The following RICTOR variants were observed in gnomAD, a reference collection of about 807,000 sequenced individuals.
RICTOR encodes rapamycin-insensitive companion of mTOR.
Under a neutral mutation model 214.9 loss-of-function variants are expected in RICTOR, and 49 were observed. The observed-to-expected ratio is 0.23, with a 90% CI of 0.18 to 0.29. The LOEUF is 0.29. Ranked by LOEUF, RICTOR falls within the 10% of genes least tolerant of loss-of-function variation. RICTOR has a pLI of 1.00. For synonymous variants in RICTOR, 717 were observed against 711.3 expected, an observed-to-expected ratio of 1.01 and a Z score of -0.13; for missense variants, 1,625 against 2,047.0, an observed-to-expected ratio of 0.79 and a Z score of 3.98.
chr5:38,962,714 A>G (rs1749897650), intron 17 of RICTOR, 128 bp from the exon 18 acceptor site: 4 of 798,184 alleles, frequency 5.0e-6, no homozygotes, highest in Admixed American at 5.5e-5. Flanking sequence ...TTTTAACTTT[A>G]AAGTTATAAA....
intron 14 of RICTOR, 102 bp from the exon 15 acceptor site, chr5:38,966,823 A>T: frequency 6.3e-6 from 4 of 630,610 alleles, no homozygotes; most frequent in Non-Finnish European, 1.1e-5. Context: ...TTTTTAAGAC[A>T]AGAGGCTTGC....
intron 16 of RICTOR, among the ~76,000 whole-genome samples, chr5:38,963,903 T>C (rs1038014559): frequency 3.9e-5 from 6 of 151,916 alleles, no homozygotes; most frequent in African/African-American, 1.4e-4. Context: ...TAACTCCTAA[T>C]GCCCTCAGTT....
intron 2 of RICTOR, among the ~76,000 whole-genome samples, chr5:39,032,685 A>ACTG (rs2150153190): frequency 6.6e-6 from 1 of 152,318 alleles, no homozygotes; most frequent in African/African-American, 2.4e-5. Context: ...ATGAGCAGAA[A>ACTG]CTGCTGGGAG....
At chr5:38,970,735 C>T (rs1309594018) in intron 11 of RICTOR, 1 of 152,042 alleles carries the variant, frequency 6.6e-6, no homozygotes, top group Admixed American at 6.6e-5. Flanking sequence ...CCTTCAAATT[C>T]GATTTAACTG....
At chr5:38,986,133 G>A (rs1362527299) in intron 7 of RICTOR, among the ~76,000 whole-genome samples, 1 of 152,154 alleles carries the variant, frequency 6.6e-6, no homozygotes, top group Non-Finnish European at 1.5e-5. Context: ...GACCTGGTGG[G>A]AGGTGACTGA....
At position 39,002,450 on chromosome 5, in the gene RICTOR, G is replaced by A. The variant is rs544784832; in HGVS notation, c.392+85C>T. On this transcript the variant is annotated intron_variant, in intron 5 of 37. Transcript: ENST00000357387. ...CAAAATTCATCAAAGTTACACTACA[G>A]TACAAATCTATACACTTTATGGCAG... 26 of 818,906 alleles carry A rather than the reference G, an allele frequency of 3.2e-5. No individual in the cohort carries two copies. The African/African-American group carries it at 4.3e-4, about 14-fold the overall frequency. The allele number at this position is 818,906 out of a possible 1,614,324, so 50.7% of individuals were successfully genotyped here.
At chr5:38,955,295 G>A (rs990886884) in intron 26 of RICTOR, among the ~76,000 whole-genome samples, 3 of 151,848 alleles carry the variant, frequency 2.0e-5, no homozygotes, top group Non-Finnish European at 4.4e-5. Flanking sequence ...TCTGAAATGC[G>A]AAACATTTCA....
chr5:38,994,602 C>T (rs1379114934), intron 6 of RICTOR, among the ~76,000 whole-genome samples: 1 of 152,048 alleles, frequency 6.6e-6, no homozygotes, highest in Non-Finnish European at 1.5e-5. Context: ...GATTCTATAT[C>T]CCACCACCAA....
At chr5:38,980,767 G>T (rs1219729916) in intron 8 of RICTOR, 2 of 152,200 alleles carry the variant, frequency 1.3e-5, no homozygotes, top group African/African-American at 4.8e-5. Context: ...GATCGATTGA[G>T]TGCGGGAGGT....
At chr5:38,948,773 C>T (rs1197240146) in intron 31 of RICTOR, among the ~76,000 whole-genome samples, 1 of 152,010 alleles carries the variant, frequency 6.6e-6, no homozygotes, top group Non-Finnish European at 1.5e-5. Context: ...TGCATAATTT[C>T]TTAAATCCTG....
chr5:38,989,384 T>C (rs1188984047), intron 7 of RICTOR, among the ~76,000 whole-genome samples: 1 of 152,098 alleles, frequency 6.6e-6, no homozygotes, highest in African/African-American at 2.4e-5. Context: ...ATTAAAGACC[T>C]ACAACCATAA....
At chr5:39,066,908 A>C (rs897270573) in intron 2 of RICTOR, among the ~76,000 whole-genome samples, 2 of 152,180 alleles carry the variant, frequency 1.3e-5, no homozygotes, top group African/African-American at 4.8e-5. Flanking sequence ...CCGTATCACT[A>C]CCAGCATTTT....
intron 11 of RICTOR, chr5:38,970,266 A>G (rs566227492): frequency 6.6e-6 from 1 of 152,220 alleles, no homozygotes; most frequent in Non-Finnish European, 1.5e-5. Flanking sequence ...TTGAAACTGT[A>G]TAAGGCCTAT....
chr5:39,051,458 G>A lies in RICTOR; in HGVS notation c.97+22653C>T, dbSNP rs368944018. On this transcript the variant is annotated intron_variant, in intron 2 of 37. Coordinates refer to ENST00000357387, the MANE Select transcript of RICTOR (RefSeq NM_152756.5). ...TGCTTGCAAATTATGGAGCAAGAAC[G>A]TGAATTTCGGCTGGGCACGGTGGCT... Among the ~76,000 whole-genome samples the A allele has an allele frequency of 2.1e-4, 32 of 152,276 alleles. No individual in the cohort carries two copies. The South Asian group carries it at 2.3e-3, about 11-fold the overall frequency.
At chr5:39,011,698 T>C (rs1333189433) in intron 3 of RICTOR, among the ~76,000 whole-genome samples, 1 of 152,188 alleles carries the variant, frequency 6.6e-6, no homozygotes, top group Non-Finnish European at 1.5e-5. Context: ...ATTTTGGAAC[T>C]TGAAGGTTTA....
chr5:38,956,499 T>G (rs1330379766), intron 25 of RICTOR, among the ~76,000 whole-genome samples: 1 of 152,134 alleles, frequency 6.6e-6, no homozygotes, highest in Non-Finnish European at 1.5e-5. Flanking sequence ...GTTCCAATGA[T>G]CTATACAGCT....
intron 4 of RICTOR, among the ~76,000 whole-genome samples, chr5:39,003,189 C>A (rs1270179602): frequency 6.6e-6 from 1 of 152,092 alleles, no homozygotes; most frequent in Non-Finnish European, 1.5e-5. Context: ...TATTAGTGTG[C>A]ATGGGCAAAT....
chr5:39,012,995 T>C lies in RICTOR; in HGVS notation c.195+8044A>G, dbSNP rs138304494. 3.9e-3 allele frequency among the ~76,000 whole-genome samples: 590 copies of C among 152,288 alleles called. 4 individuals are homozygous for C. The highest frequency in any genetic ancestry group is 6.2e-3 in the Non-Finnish European group (420 of 68,026). On this transcript the variant is annotated intron_variant, in intron 3 of 37. Transcript: ENST00000357387. Reference sequence around the variant, plus strand: ...CTTAGTCCCATGGAAAGTGTTTATCTGAGAATGAAGACAACCTGAAAGAAA... The same window carrying C: ...CTTAGTCCCATGGAAAGTGTTTATCCGAGAATGAAGACAACCTGAAAGAAA...
chr5:38,958,550 T>C (rs752372583), intron 23 of RICTOR, 31 bp from the exon 24 acceptor site: 3 of 1,583,846 alleles, frequency 1.9e-6, no homozygotes, highest in Admixed American at 3.4e-5. Flanking sequence ...TTTTTTATAA[T>C]TGCACAAAAA....
Sources: allele counts gnomAD v4.1 joint callset (sites outside exome capture counted in the v4.1 genomes callset), GRCh38; gene constraint gnomAD v4.1.1; transcripts MANE v1.5; gene names NCBI Gene and HGNC (gene_info 2026-07-23, HGNC 2026-07-21).